MTDH: variants seen among roughly 807,000 people sequenced by gnomAD.
The protein encoded by MTDH is protein LYRIC.
Under a neutral mutation model 72.7 loss-of-function variants are expected in MTDH, and 34 were observed. That is an observed-to-expected ratio of 0.47 (90% CI 0.36 to 0.62). The LOEUF is 0.62. Among genes scored for constraint, MTDH ranks in the 20% least tolerant of loss-of-function variants. The pLI, the probability that MTDH is intolerant of heterozygous loss-of-function variation, is 0.00. For missense variants in MTDH, 677 were observed against 699.4 expected (o/e 0.97, Z 0.36); for synonymous variants, 266 against 268.9 (o/e 0.99, Z 0.10).
intron 1 of MTDH, among the ~76,000 whole-genome samples, chr8:97,651,569 G>A (rs112131711): frequency 3.3e-5 from 5 of 152,310 alleles, no homozygotes; most frequent in African/African-American, 1.2e-4. Flanking sequence ...TTGCAGCTCT[G>A]TGCATGTGCG....
intron 9 of MTDH, among the ~76,000 whole-genome samples, chr8:97,718,740 A>G (rs1051783073): frequency 2.6e-5 from 4 of 150,968 alleles, no homozygotes; most frequent in African/African-American, 7.3e-5. Context: ...AGAATCACCC[A>G]GCCTGGAGTA....
chr8:97,702,224 T>C (rs1192871743), intron 7 of MTDH, among the ~76,000 whole-genome samples: 1 of 152,228 alleles, frequency 6.6e-6, no homozygotes, highest in South Asian at 2.1e-4. Flanking sequence ...TTGTAACCCA[T>C]GTAAAAAGTC....
At chr8:97,654,587 G>A (rs2438207) in intron 1 of MTDH, among the ~76,000 whole-genome samples, 14,126 of 151,284 alleles carry the variant, frequency 0.093, 924 homozygotes, top group East Asian at 0.25. Flanking sequence ...TTAAGTTCTG[G>A]GATACATGTG....
chr8:97,706,796 C>G, intron 8 of MTDH, 46 bp downstream of exon 8: 1 of 1,582,268 alleles, frequency 6.3e-7, no homozygotes, highest in Non-Finnish European at 8.6e-7. Context: ...ATGAAAGAGA[C>G]AGGCTGGGCA....
At chr8:97,712,889 T>G (rs1814693459) in intron 8 of MTDH, among the ~76,000 whole-genome samples, 1 of 152,144 alleles carries the variant, frequency 6.6e-6, no homozygotes, top group Non-Finnish European at 1.5e-5. Flanking sequence ...TAAACTTGAG[T>G]GTTCCTTGTA....
chr8:97,718,381 A>G (rs1814961998), intron 9 of MTDH, among the ~76,000 whole-genome samples: 2 of 152,252 alleles, frequency 1.3e-5, no homozygotes, highest in South Asian at 4.1e-4. Flanking sequence ...CATGGCCAAA[A>G]TTGGAATTTT....
In MTDH at chr8:97,689,607, A is replaced by C. The variant is rs375285128; in HGVS notation, c.811+504A>C. On this transcript the variant is annotated intron_variant, in intron 5 of 11. Transcript: ENST00000336273. ...TATGTTTTATTTACTCATTTATGAT[A>C]AAGATTGAATTAAGTAGAGTGTTAT... Among the ~76,000 whole-genome samples the C allele has an allele frequency of 5.3e-5, 8 of 152,268 alleles. No homozygotes were observed. The East Asian group carries it at 7.7e-4, about 15-fold the overall frequency.
rs768437817 is a variant in MTDH, at chr8:97,724,636, TAAA to T, written c.1719_1721del (p.Lys577del). 2 of 1,593,400 alleles carry T rather than the reference TAAA, an allele frequency of 1.3e-6. No homozygotes were observed. The highest frequency in any genetic ancestry group is 1.7e-6 in the Non-Finnish European group (2 of 1,175,366). The stretch of plus-strand genomic sequence containing the variant: ...ACTAGCTGGGAATCTCCCAAACAAA[TAAA>T]AAAGAAGAAAAAAGCCAGACGAGAA... On this transcript the variant is annotated inframe_deletion, in exon 12 of 12. Coordinates refer to ENST00000336273, the MANE Select transcript of MTDH (RefSeq NM_178812.4).
chr8:97,701,345 A>G (rs1814115888), intron 7 of MTDH, among the ~76,000 whole-genome samples: 1 of 152,126 alleles, frequency 6.6e-6, no homozygotes, highest in Non-Finnish European at 1.5e-5. Flanking sequence ...ATTTTAAATT[A>G]TCTCTTGATT....
chr8:97,655,630 G>A (rs1374410547), intron 1 of MTDH, among the ~76,000 whole-genome samples: 1 of 152,126 alleles, frequency 6.6e-6, no homozygotes, highest in Non-Finnish European at 1.5e-5. Context: ...GGGAATAAAG[G>A]GCATAGGCCA....
chr8:97,684,524 G>A (rs1303443100), intron 2 of MTDH, among the ~76,000 whole-genome samples: 2 of 152,190 alleles, frequency 1.3e-5, no homozygotes, highest in African/African-American at 2.4e-5. Flanking sequence ...CTGCTTTCAT[G>A]CTATATGAGC....
chr8:97,695,147 C>T (rs1197593124), intron 6 of MTDH, among the ~76,000 whole-genome samples: 2 of 146,884 alleles, frequency 1.4e-5, no homozygotes, highest in Non-Finnish European at 1.5e-5. Flanking sequence ...CTTGTTCTGT[C>T]ACCCAGGCTG....
rs944555936 is a variant in MTDH at position 97,728,067 on chromosome 8, A to T, written c.*3397A>T. ...ACAGAGTTTAGTTTTTCTTAATTAA[A>T]AACAGTCCTCTATTAATATAGTGTG... On this transcript the variant is annotated 3_prime_UTR_variant, in exon 12 of 12. Coordinates refer to ENST00000336273, the MANE Select transcript of MTDH (RefSeq NM_178812.4). 6.6e-6 allele frequency: 1 copy of T among 152,172 alleles called. No homozygotes were observed. The highest frequency in any genetic ancestry group is 2.4e-5 in the African/African-American group (1 of 41,444). The allele number at this position is 152,172 out of a possible 1,614,324, so 9.4% of individuals were successfully genotyped here. A position where few individuals can be genotyped will look rare whatever the true frequency, so the allele number is the denominator to read the frequency against.
In MTDH at chr8:97,727,432, G is replaced by A. The variant is rs928564454; in HGVS notation, c.*2762G>A. On this transcript the variant is annotated 3_prime_UTR_variant, in exon 12 of 12. Transcript: ENST00000336273. ...GAGAATCGCTTGAACCCGGGGGGTG[G>A]AGGTTGCAGTGAGCTGAGATCGCAC... 2.0e-5 allele frequency: 3 copies of A among 149,934 alleles called. No individual in the cohort carries two copies. The highest frequency in any genetic ancestry group is 4.4e-5 in the Non-Finnish European group (3 of 67,962). The allele number at this position is 149,934 out of a possible 1,614,324, so 9.3% of individuals were successfully genotyped here. A position where few individuals can be genotyped will look rare whatever the true frequency, so the allele number is the denominator to read the frequency against.
intron 6 of MTDH, among the ~76,000 whole-genome samples, chr8:97,699,028 G>A (rs916252342): frequency 6.6e-6 from 1 of 152,096 alleles, no homozygotes; most frequent in African/African-American, 2.4e-5. Flanking sequence ...GCTTATGCCT[G>A]TAATCCCAGC....
At position 97,718,192 on chromosome 8, in the gene MTDH, G is replaced by A. The variant is rs139155821; in HGVS notation, c.1381-857G>A. On this transcript the variant is annotated intron_variant, in intron 9 of 11. Transcript: ENST00000336273. Reference sequence around the variant, plus strand: ...CAAATAGCTGGGATTACAGGCGTGCGCCACCACACCCAGCTAATTTTTGTA... The same window carrying A: ...CAAATAGCTGGGATTACAGGCGTGCACCACCACACCCAGCTAATTTTTGTA... Among the ~76,000 whole-genome samples the A allele has an allele frequency of 5.4e-3, 822 of 151,748 alleles. 5 individuals are homozygous for A. Among genetic ancestry groups the A allele is most frequent in the African/African-American group, 0.018 (726 of 41,360 alleles).
chr8:97,697,150 ATTTTTT>A (rs59102217), intron 6 of MTDH, among the ~76,000 whole-genome samples: 1 of 68,838 alleles, frequency 1.5e-5, no homozygotes, highest in Admixed American at 1.6e-4. Flanking sequence ...ATATATATAT[ATTTTTT>A]TTTTGTGGAC....
At chr8:97,678,724 C>T (rs757771401) in intron 2 of MTDH, among the ~76,000 whole-genome samples, 2 of 151,046 alleles carry the variant, frequency 1.3e-5, no homozygotes, top group African/African-American at 4.9e-5. Context: ...CAGGCATGAG[C>T]CACCTTGACT....
intron 4 of MTDH, 130 bp from the exon 5 acceptor site, chr8:97,688,908 G>T: frequency 5.1e-6 from 2 of 394,406 alleles, no homozygotes; most frequent in South Asian, 1.9e-4. Context: ...TTTTCCAGTG[G>T]AAGAATTTAG....
Sources: allele counts gnomAD v4.1 joint callset (sites outside exome capture counted in the v4.1 genomes callset), GRCh38; gene constraint gnomAD v4.1.1; transcripts MANE v1.5; gene names NCBI Gene and HGNC (gene_info 2026-07-23, HGNC 2026-07-21).